The following MBOAT1 variants were observed in gnomAD, a reference collection of about 807,000 sequenced individuals.
MBOAT1 encodes the protein membrane bound glycerophospholipid O-acyltransferase 1.
MBOAT1 carries 67 observed loss-of-function variants against 64.4 expected under a neutral mutation model. That is an observed-to-expected ratio of 1.04 (90% CI 0.85 to 1.27). The LOEUF (loss-of-function observed/expected upper bound fraction) is 1.27. Ranked by LOEUF, MBOAT1 falls within the 50% of genes most tolerant of loss-of-function variation. MBOAT1 has a pLI of 0.00. For synonymous variants in MBOAT1, 229 were observed against 218.9 expected (o/e 1.05, Z -0.41); for missense variants, 563 against 604.6 (o/e 0.93, Z 0.72).
rs532780909 is a variant in MBOAT1 at position 20,118,247 on chromosome 6, T to C, written c.1011+190A>G. On this transcript the variant is annotated intron_variant, in intron 9 of 12. Transcript: ENST00000324607. Reference sequence around the variant, plus strand: ...ATTAGAACTGTCAAGAAAGTAGATATCTTAAAAAAAAAAAAGACAGAAAAA... The same window carrying C: ...ATTAGAACTGTCAAGAAAGTAGATACCTTAAAAAAAAAAAAGACAGAAAAA... Among the ~76,000 whole-genome samples the C allele has an allele frequency of 1.2e-3, 175 of 140,806 alleles. 1 individual carries two copies. The highest frequency in any genetic ancestry group is 4.3e-3 in the African/African-American group (172 of 40,356). 92.4% of individuals were successfully genotyped at this position (140,806 alleles called of 152,430 possible). A position where few individuals can be genotyped will look rare whatever the true frequency, so the allele number is the denominator to read the frequency against.
At chr6:20,179,268 C>T (rs765578872) in intron 1 of MBOAT1, among the ~76,000 whole-genome samples, 1 of 152,178 alleles carries the variant, frequency 6.6e-6, no homozygotes, top group African/African-American at 2.4e-5. Context: ...GGTGCTTAGG[C>T]TGCATGCAGT....
chr6:20,190,333 A>G (rs1561782756), intron 1 of MBOAT1, among the ~76,000 whole-genome samples: 1 of 152,210 alleles, frequency 6.6e-6, no homozygotes, highest in Non-Finnish European at 1.5e-5. Context: ...GCTTGTTTAA[A>G]AAATATAAAT....
chr6:20,178,936 T>C (rs1181373467), intron 1 of MBOAT1, among the ~76,000 whole-genome samples: 1 of 152,144 alleles, frequency 6.6e-6, no homozygotes, highest in Non-Finnish European at 1.5e-5. Flanking sequence ...TAATGGGTTT[T>C]TTTTTTTCCA....
chr6:20,134,692 C>T (rs1303455560), intron 4 of MBOAT1, among the ~76,000 whole-genome samples: 2 of 152,154 alleles, frequency 1.3e-5, no homozygotes, highest in Non-Finnish European at 2.9e-5. Flanking sequence ...AACAAGTTCT[C>T]TCTGAACACT....
At chr6:20,207,857 G>T (rs12174217) in intron 1 of MBOAT1, among the ~76,000 whole-genome samples, 6 of 152,100 alleles carry the variant, frequency 3.9e-5, no homozygotes, top group Non-Finnish European at 7.4e-5. Flanking sequence ...CAGTGCCTAC[G>T]CAGGTCTGTG....
chr6:20,150,666 G>A (rs1761465015), intron 3 of MBOAT1, among the ~76,000 whole-genome samples: 3 of 148,914 alleles, frequency 2.0e-5, no homozygotes, highest in Admixed American at 2.0e-4. Context: ...GGGTTCAAGT[G>A]ATTCTCCTGC....
intron 4 of MBOAT1, among the ~76,000 whole-genome samples, chr6:20,134,114 C>A (rs1298021875): frequency 6.6e-6 from 1 of 152,174 alleles, no homozygotes; most frequent in East Asian, 1.9e-4. Context: ...CCTTCTCAGG[C>A]AAACCTGCAT....
At chr6:20,145,454 T>C (rs906266117) in intron 3 of MBOAT1, among the ~76,000 whole-genome samples, 1 of 152,236 alleles carries the variant, frequency 6.6e-6, no homozygotes, top group African/African-American at 2.4e-5. Flanking sequence ...CTGACCAAAC[T>C]GTAAGCTCCA....
chr6:20,168,870 T>C (rs1762112673), intron 1 of MBOAT1, among the ~76,000 whole-genome samples: 1 of 119,134 alleles, frequency 8.4e-6, no homozygotes, highest in Admixed American at 8.2e-5. Context: ...TTGTTTCATA[T>C]CACTAAGGAG....
intron 8 of MBOAT1, among the ~76,000 whole-genome samples, chr6:20,119,435 A>G (rs1280669672): frequency 6.6e-6 from 1 of 152,244 alleles, no homozygotes; most frequent in African/African-American, 2.4e-5. Flanking sequence ...ATTAAAATGA[A>G]CTAATCAAAA....
chr6:20,170,163 C>G (rs1302997555), intron 1 of MBOAT1, among the ~76,000 whole-genome samples: 2 of 152,196 alleles, frequency 1.3e-5, no homozygotes, highest in African/African-American at 4.8e-5. Flanking sequence ...GGGGCCATCC[C>G]AGGCCAGTGT....
At chr6:20,194,539 T>C (rs1424942434) in intron 1 of MBOAT1, among the ~76,000 whole-genome samples, 3 of 152,212 alleles carry the variant, frequency 2.0e-5, no homozygotes, top group Non-Finnish European at 2.9e-5. Flanking sequence ...TTATGGGTTT[T>C]TGCAAGGAAG....
chr6:20,147,410 C>T (rs144483799), intron 3 of MBOAT1, among the ~76,000 whole-genome samples: 1,524 of 152,286 alleles, frequency 0.01, 19 homozygotes, highest in African/African-American at 0.035. Flanking sequence ...GAGGCCAAGG[C>T]GGGCGGATCA....
intron 8 of MBOAT1, 101 bp downstream of exon 8, chr6:20,124,307 T>C: frequency 3.3e-6 from 4 of 1,218,184 alleles, no homozygotes; most frequent in Non-Finnish European, 4.6e-6. Flanking sequence ...CATTACGTGT[T>C]GAGCTTCTTT....
chr6:20,128,871 T>A (rs1035174584), intron 5 of MBOAT1, 118 bp from the exon 6 acceptor site: 11 of 716,818 alleles, frequency 1.5e-5, no homozygotes, highest in Non-Finnish European at 2.5e-5. Flanking sequence ...TCATAAATCA[T>A]AAAGAGTTCC....
intron 1 of MBOAT1, among the ~76,000 whole-genome samples, chr6:20,200,130 A>C (rs1476462060): frequency 6.6e-6 from 1 of 152,200 alleles, no homozygotes; most frequent in East Asian, 1.9e-4. Context: ...TTTCTGCCAG[A>C]GTATAGTTCA....
intron 1 of MBOAT1, among the ~76,000 whole-genome samples, chr6:20,167,567 C>G (rs1762048887): frequency 6.6e-6 from 1 of 152,168 alleles, no homozygotes; most frequent in African/African-American, 2.4e-5. Flanking sequence ...ACTAACGTTT[C>G]TAAGTGTTTG....
intron 1 of MBOAT1, among the ~76,000 whole-genome samples, chr6:20,162,772 A>T (rs1761900283): frequency 6.6e-6 from 1 of 152,200 alleles, no homozygotes; most frequent in Non-Finnish European, 1.5e-5. Flanking sequence ...TCATTCTTGT[A>T]CAAGGGAAAA....
At chr6:20,133,674 A>G (rs1760897574) in intron 4 of MBOAT1, among the ~76,000 whole-genome samples, 1 of 152,230 alleles carries the variant, frequency 6.6e-6, no homozygotes, top group Admixed American at 6.5e-5. Flanking sequence ...ATTGATAAAG[A>G]GATAAGACGT....
Sources: gnomAD v4.1 joint callset for allele counts (sites outside exome capture counted in the v4.1 genomes callset) on GRCh38, gnomAD v4.1.1 for gene constraint, MANE v1.5 for transcripts, NCBI Gene and HGNC (gene_info 2026-07-23, HGNC 2026-07-21) for gene names.